NIBAN2: variants seen among roughly 807,000 people sequenced by gnomAD.
NIBAN2 encodes niban apoptosis regulator 2, also known as protein Niban 2.
In NIBAN2, 36 loss-of-function variants were observed where a neutral mutation model predicts 81.8. The observed-to-expected ratio is 0.44, with a 90% CI of 0.34 to 0.58. The LOEUF is 0.58. Among genes scored for constraint, NIBAN2 ranks in the 20% least tolerant of loss-of-function variants. The probability of loss-of-function intolerance (pLI) is 0.02; values close to 1 mark genes in which losing one functional copy is unlikely to be tolerated. For synonymous variants in NIBAN2, 445 were observed against 441.6 expected (o/e 1.01, Z -0.10); for missense variants, 897 against 1,014.1 (o/e 0.88, Z 1.57).
upstream of NIBAN2, chr9:127,569,218 G>A (rs1588194783): frequency 2.4e-6 from 1 of 420,134 alleles, no homozygotes; most frequent in Admixed American, 8.6e-5. Context: ...CCCGCCCTCG[G>A]TCCTGCACCC....
At chr9:127,524,377 T>C (rs1175856495) in intron 4 of NIBAN2, among the ~76,000 whole-genome samples, 1 of 152,202 alleles carries the variant, frequency 6.6e-6, no homozygotes, top group Non-Finnish European at 1.5e-5. Context: ...CTGTTGTTAA[T>C]GATATGACAA....
intron 5 of NIBAN2, among the ~76,000 whole-genome samples, chr9:127,521,477 G>C (rs1432316089): frequency 6.6e-6 from 1 of 152,146 alleles, no homozygotes; most frequent in East Asian, 1.9e-4. Context: ...GCCACCCCCA[G>C]CTGCTCCAGG....
At chr9:127,571,769 G>A (rs1379908465), upstream of NIBAN2, among the ~76,000 whole-genome samples, 1 of 152,008 alleles carries the variant, frequency 6.6e-6, no homozygotes, top group Non-Finnish European at 1.5e-5. Flanking sequence ...GCACACATGT[G>A]AATAGCTCTC....
intron 1 of NIBAN2, among the ~76,000 whole-genome samples, chr9:127,543,187 A>G (rs1171380280): frequency 6.6e-6 from 1 of 152,186 alleles, no homozygotes; most frequent in African/African-American, 2.4e-5. Context: ...GCCCAGGGAG[A>G]AAGGCTCTGT....
At chr9:127,551,217 C>T (rs1837569729) in intron 1 of NIBAN2, among the ~76,000 whole-genome samples, 1 of 152,070 alleles carries the variant, frequency 6.6e-6, no homozygotes, top group South Asian at 2.1e-4. Flanking sequence ...AGTGAAACCC[C>T]GTCTCTACTA....
chr9:127,555,143 G>A (rs1263604833), intron 1 of NIBAN2, among the ~76,000 whole-genome samples: 2 of 152,136 alleles, frequency 1.3e-5, no homozygotes, highest in East Asian at 3.8e-4. Context: ...AACAATGCCT[G>A]TTAATACATT....
At chr9:127,530,971 G>C (rs1431169744) in intron 2 of NIBAN2, among the ~76,000 whole-genome samples, 1 of 152,142 alleles carries the variant, frequency 6.6e-6, no homozygotes, top group African/African-American at 2.4e-5. Flanking sequence ...CTTGAGCCCA[G>C]GAGTTTGAGA....
At chr9:127,565,285 T>C (rs1326528736) in intron 1 of NIBAN2, among the ~76,000 whole-genome samples, 1 of 151,978 alleles carries the variant, frequency 6.6e-6, no homozygotes, top group Non-Finnish European at 1.5e-5. Context: ...CTTTTGCAAT[T>C]AGACAAAATG....
At chr9:127,523,593 A>G (rs1032890058) in intron 5 of NIBAN2, 86 bp downstream of exon 5, 2 of 1,405,744 alleles carry the variant, frequency 1.4e-6, no homozygotes, top group African/African-American at 1.4e-5. Context: ...TTGCCACACC[A>G]TAGTCAGCCA....
At chr9:127,548,735 T>C (rs907591365) in intron 1 of NIBAN2, among the ~76,000 whole-genome samples, 1 of 152,196 alleles carries the variant, frequency 6.6e-6, no homozygotes, top group Admixed American at 6.5e-5. Context: ...TGTGACGGGC[T>C]AAGTACCACA....
chr9:127,528,161 A>G (rs572634343), intron 2 of NIBAN2, among the ~76,000 whole-genome samples: 55 of 152,318 alleles, frequency 3.6e-4, no homozygotes, highest in African/African-American at 1.3e-3. Context: ...AGCGTCTGTG[A>G]CGACCTCCAA....
intron 8 of NIBAN2, 146 bp downstream of exon 8, chr9:127,516,711 G>A (rs2132163981): frequency 2.4e-6 from 2 of 826,744 alleles, no homozygotes; most frequent in East Asian, 2.5e-5. Context: ...CACAGGGGTT[G>A]GAGTACCACA....
chr9:127,522,344 C>T (rs1025144606), intron 5 of NIBAN2, among the ~76,000 whole-genome samples: 3 of 152,166 alleles, frequency 2.0e-5, no homozygotes, highest in Non-Finnish European at 4.4e-5. Context: ...ACTCCGTCCC[C>T]TGCAACCTTC....
At chr9:127,557,747 C>T (rs1408286964) in intron 1 of NIBAN2, among the ~76,000 whole-genome samples, 1 of 152,266 alleles carries the variant, frequency 6.6e-6, no homozygotes, top group African/African-American at 2.4e-5. Flanking sequence ...CCAAGAGGGG[C>T]CCCTGCCTCT....
chr9:127,565,440 G>A lies in NIBAN2; in HGVS notation c.55+3380C>T, dbSNP rs200191763. Among the ~76,000 whole-genome samples, 96 of 152,230 alleles carry A rather than the reference G, an allele frequency of 6.3e-4. No individual in the cohort carries two copies. In the East Asian group the frequency reaches 0.012, roughly 19 times the overall value. ...CAATTCTGTGAATATACTAAAAACC[G>A]CTGAAGTGTACACTTTAGGTGGCTG... On this transcript the variant is annotated intron_variant, in intron 1 of 13. Transcript: ENST00000373312.
intron 1 of NIBAN2, among the ~76,000 whole-genome samples, chr9:127,541,820 G>A (rs1279848525): frequency 6.6e-6 from 1 of 152,118 alleles, no homozygotes. Flanking sequence ...TTGGCAGAAG[G>A]GGTACAACAG....
chr9:127,539,820 C>T (rs181880417), intron 1 of NIBAN2, among the ~76,000 whole-genome samples: 15 of 152,346 alleles, frequency 9.8e-5, no homozygotes, highest in Non-Finnish European at 1.8e-4. Flanking sequence ...GCAAACAGGG[C>T]ACCATTTCTA....
chr9:127,555,070 A>T (rs1837643310), intron 1 of NIBAN2, among the ~76,000 whole-genome samples: 1 of 152,218 alleles, frequency 6.6e-6, no homozygotes, highest in Non-Finnish European at 1.5e-5. Context: ...CTATACAAAC[A>T]TACACACTTT....
intron 3 of NIBAN2, among the ~76,000 whole-genome samples, chr9:127,525,425 C>T (rs1336218258): frequency 1.3e-5 from 2 of 152,184 alleles, no homozygotes; most frequent in African/African-American, 4.8e-5. Flanking sequence ...GATAAAATTC[C>T]TTAAATGCCT....
Sources: gnomAD v4.1 joint callset for allele counts (sites outside exome capture counted in the v4.1 genomes callset) on GRCh38, gnomAD v4.1.1 for gene constraint, MANE v1.5 for transcripts, NCBI Gene and HGNC (gene_info 2026-07-23, HGNC 2026-07-21) for gene names.